Variants in SLC44A5 observed in about 807,000 individuals in gnomAD.
SLC44A5 encodes the protein solute carrier family 44 member 5, also known as choline transporter-like protein 5.
In SLC44A5, 57 loss-of-function variants were observed where a neutral mutation model predicts 101.8. The observed-to-expected ratio is 0.56, with a 90% confidence interval of 0.45 to 0.70. The LOEUF (loss-of-function observed/expected upper bound fraction) is 0.70, where lower values mean the gene tolerates loss of function less well. Ranked by LOEUF, SLC44A5 falls within the 30% of genes least tolerant of loss-of-function variation. The pLI, the probability that SLC44A5 is intolerant of heterozygous loss-of-function variation, is 0.00. For missense variants in SLC44A5, 737 were observed against 853.1 expected (o/e 0.86, Z 1.70); for synonymous variants, 281 against 290.9 (o/e 0.97, Z 0.35).
At chr1:75,683,066 A>T in the SLC44A5 span, among the ~76,000 whole-genome samples, 1,934 of 152,216 alleles carry the variant, frequency 0.013, 39 homozygotes, top group African/African-American at 0.043. Flanking sequence ...ATACCATCTC[A>T]CACCAGTTAG....
chr1:75,435,037 A>G (rs1664810213), intron 2 of SLC44A5, among the ~76,000 whole-genome samples: 1 of 152,138 alleles, frequency 6.6e-6, no homozygotes, highest in African/African-American at 2.4e-5. Flanking sequence ...TGCTTAGGCC[A>G]GTGCCTCACA....
intron 5 of SLC44A5, among the ~76,000 whole-genome samples, chr1:75,292,199 T>C (rs1385785168): frequency 2.0e-5 from 3 of 152,222 alleles, no homozygotes; most frequent in Admixed American, 1.3e-4. Flanking sequence ...CAAATTTTCC[T>C]GGACGAGGTC....
intron 1 of SLC44A5, among the ~76,000 whole-genome samples, chr1:75,571,503 A>T (rs534488567): frequency 1.6e-4 from 25 of 152,306 alleles, no homozygotes; most frequent in African/African-American, 5.8e-4. Context: ...AGTAGAAATC[A>T]TCCCTCAAGT....
intron 2 of SLC44A5, among the ~76,000 whole-genome samples, chr1:75,490,404 G>A (rs1022388844): frequency 1.3e-5 from 2 of 151,998 alleles, no homozygotes; most frequent in African/African-American, 4.8e-5. Flanking sequence ...CCTACAAATG[G>A]CTTCTTTTTT....
intron 2 of SLC44A5, among the ~76,000 whole-genome samples, chr1:75,527,256 AAGAG>A (rs1234192931): frequency 1.3e-5 from 2 of 149,650 alleles, no homozygotes; most frequent in African/African-American, 2.5e-5. Context: ...GAGAGAAGGA[AAGAG>A]AGAGAAAGTT....
intron 5 of SLC44A5, among the ~76,000 whole-genome samples, chr1:75,293,324 C>T (rs1488808038): frequency 1.3e-5 from 2 of 152,164 alleles, no homozygotes; most frequent in Non-Finnish European, 2.9e-5. Context: ...TCAGGAGTTG[C>T]AGCCATTTAA....
chr1:75,384,376 T>C (rs1261715546), intron 3 of SLC44A5, among the ~76,000 whole-genome samples: 2 of 138,320 alleles, frequency 1.4e-5, no homozygotes, highest in Non-Finnish European at 3.1e-5. Context: ...ACCAAGCAAA[T>C]GGAAAACAAA....
At chr1:75,696,768 T>C in the SLC44A5 span, among the ~76,000 whole-genome samples, 1 of 151,868 alleles carries the variant, frequency 6.6e-6, no homozygotes, top group Admixed American at 6.6e-5. Context: ...CCAGGCGTGG[T>C]TGTGGATGCC....
rs149305630 is a variant in SLC44A5 at position 75,511,446 on chromosome 1, CAT to C, written c.13+29987_13+29988del. ...AATAAACACAGCTACGATAAAAGCA[CAT>C]GTGATTTTTAGAATCTGCTTGAAAT... is the stretch of plus-strand genomic sequence containing the variant. On this transcript the variant is annotated intron_variant, in intron 2 of 23. Coordinates refer to ENST00000370859, the MANE Select transcript of SLC44A5 (RefSeq NM_001130058.2). Among the ~76,000 whole-genome samples, 325 of 152,206 alleles carry C rather than the reference CAT, an allele frequency of 2.1e-3. 1 individual carries two copies. The highest frequency in any genetic ancestry group is 7.3e-3 in the African/African-American group (302 of 41,540).
At chr1:75,665,784 A>T in the SLC44A5 span, among the ~76,000 whole-genome samples, 1 of 152,182 alleles carries the variant, frequency 6.6e-6, no homozygotes, top group African/African-American at 2.4e-5. Flanking sequence ...AAAAATAAAT[A>T]ACCCCATTTA....
chr1:75,621,177 G>A, the SLC44A5 span, among the ~76,000 whole-genome samples: 1 of 152,120 alleles, frequency 6.6e-6, no homozygotes, highest in African/African-American at 2.4e-5. Context: ...GTGATGACAA[G>A]GTTCTGACAA....
In SLC44A5 at chr1:75,202,425, T is replaced by C. The variant is rs554443314; in HGVS notation, c.*1302A>G. ...GCTTTCACAAATTATCATTATATGA[T>C]TGACATTCTCTTAGGGTGAATACTT... On this transcript the variant is annotated 3_prime_UTR_variant, in exon 24 of 24. Coordinates refer to ENST00000370859, the MANE Select transcript of SLC44A5 (RefSeq NM_001130058.2). 4 of 152,340 alleles carry C rather than the reference T, an allele frequency of 2.6e-5. No homozygotes were observed. The South Asian group carries it at 8.3e-4, about 32-fold the overall frequency. The allele number at this position is 152,340 out of a possible 1,614,324, so 9.4% of individuals were successfully genotyped here.
intron 2 of SLC44A5, among the ~76,000 whole-genome samples, chr1:75,409,917 GACATACAT>G (rs201806177): frequency 1.3e-5 from 2 of 151,844 alleles, no homozygotes; most frequent in African/African-American, 4.8e-5. Flanking sequence ...CATCCTACAT[GACATACAT>G]ACATACATAT....
At chr1:75,667,952 T>C in the SLC44A5 span, among the ~76,000 whole-genome samples, 41 of 152,246 alleles carry the variant, frequency 2.7e-4, no homozygotes, top group Non-Finnish European at 2.2e-4. Context: ...ATAGCAAGCA[T>C]GCTCCCAGAC....
intron 1 of SLC44A5, among the ~76,000 whole-genome samples, chr1:75,592,992 G>A (rs890061354): frequency 5.9e-5 from 9 of 151,910 alleles, no homozygotes; most frequent in African/African-American, 2.2e-4. Flanking sequence ...TGAACAAATG[G>A]GATCATATTA....
the SLC44A5 span, among the ~76,000 whole-genome samples, chr1:75,705,597 T>C: frequency 6.6e-6 from 1 of 152,232 alleles, no homozygotes; most frequent in African/African-American, 2.4e-5. Context: ...CTTTTTATTA[T>C]AATACTGTTT....
At chr1:75,587,815 A>G (rs1263887371) in intron 1 of SLC44A5, among the ~76,000 whole-genome samples, 3 of 152,178 alleles carry the variant, frequency 2.0e-5, no homozygotes, top group Non-Finnish European at 2.9e-5. Context: ...CCTAAATTGC[A>G]TTCCAAAGAC....
At chr1:75,244,480 C>T (rs144056778) in intron 7 of SLC44A5, among the ~76,000 whole-genome samples, 78 of 152,102 alleles carry the variant, frequency 5.1e-4, no homozygotes, top group African/African-American at 1.8e-3. Flanking sequence ...ACCTATGACA[C>T]TAATAATTAT....
At chr1:75,399,844 C>G (rs557564564) in intron 2 of SLC44A5, among the ~76,000 whole-genome samples, 1 of 152,226 alleles carries the variant, frequency 6.6e-6, no homozygotes, top group Admixed American at 6.5e-5. Flanking sequence ...CTTTTATAAG[C>G]AATCTACAGA....
Sources: allele counts gnomAD v4.1 joint callset (sites outside exome capture counted in the v4.1 genomes callset), GRCh38; gene constraint gnomAD v4.1.1; transcripts MANE v1.5; gene names NCBI Gene and HGNC (gene_info 2026-07-23, HGNC 2026-07-21).